The following CSMD1 variants were observed in gnomAD, a reference collection of about 807,000 sequenced individuals.
CSMD1 encodes the protein CUB and Sushi multiple domains 1.
CSMD1 carries 213 observed loss-of-function variants against 417.5 expected under a neutral mutation model. That is an observed-to-expected ratio of 0.51 (90% CI 0.46 to 0.57). The LOEUF (loss-of-function observed/expected upper bound fraction) is 0.57. Among genes scored for constraint, CSMD1 ranks in the 20% least tolerant of loss-of-function variants. The pLI, the probability that CSMD1 is intolerant of heterozygous loss-of-function variation, is 0.00. For synonymous variants in CSMD1, 2,862 were observed against 1,736.8 expected, an observed-to-expected ratio of 1.65 and a Z score of -16.11; for missense variants, 6,923 against 4,529.7, an observed-to-expected ratio of 1.53 and a Z score of -15.17.
chr8:3,121,846 T>C (rs1229585796), intron 41 of CSMD1, among the ~76,000 whole-genome samples: 2 of 152,030 alleles, frequency 1.3e-5, no homozygotes, highest in Admixed American at 6.6e-5. Context: ...CAAAGGAGTA[T>C]TGCCTAATTA....
intron 8 of CSMD1, among the ~76,000 whole-genome samples, chr8:3,611,851 C>G (rs530458054): frequency 3.3e-5 from 5 of 151,936 alleles, no homozygotes; most frequent in Non-Finnish European, 7.4e-5. Flanking sequence ...TAATTTAGGA[C>G]AGAAGTTCAG....
intron 7 of CSMD1, among the ~76,000 whole-genome samples, chr8:3,698,609 C>G (rs185002993): frequency 6.6e-6 from 1 of 152,190 alleles, no homozygotes; most frequent in Non-Finnish European, 1.5e-5. Flanking sequence ...GTTCCTAATA[C>G]AGCACTCGCG....
chr8:3,320,780 T>C (rs1020630790), intron 23 of CSMD1, among the ~76,000 whole-genome samples: 6 of 152,184 alleles, frequency 3.9e-5, no homozygotes, highest in Admixed American at 1.3e-4. Context: ...TCTGGGCTTA[T>C]TCCTGAGGCA....
chr8:3,505,500 T>C (rs1382137384), intron 10 of CSMD1, among the ~76,000 whole-genome samples: 1 of 152,184 alleles, frequency 6.6e-6, no homozygotes, highest in East Asian at 1.9e-4. Flanking sequence ...AAGTGCTTCA[T>C]TATGGCCCCT....
rs79384247 is a variant in CSMD1, at chr8:3,574,930, G to C, written c.1344+15C>G. ...CTGTGTGCATTAACCACAGGGGTTG[G>C]AGGCGGAGCCTTACCTTGTCCGGGT... On this transcript the variant is annotated intron_variant, in intron 10 of 69. Coordinates refer to ENST00000635120, the MANE Select transcript of CSMD1 (RefSeq NM_033225.6). 2.6e-3 allele frequency: 4,164 copies of C among 1,611,210 alleles called. 92 individuals carry two copies. In the African/African-American group the frequency reaches 0.047, roughly 18 times the overall value.
chr8:3,008,294 G>A (rs373948589), intron 52 of CSMD1, among the ~76,000 whole-genome samples: 41 of 152,302 alleles, frequency 2.7e-4, no homozygotes, highest in African/African-American at 9.6e-4. Context: ...CCTTTGTGAG[G>A]TCAGTTGAGT....
At chr8:3,421,012 G>A (rs1465282744) in intron 12 of CSMD1, among the ~76,000 whole-genome samples, 2 of 152,164 alleles carry the variant, frequency 1.3e-5, no homozygotes, top group East Asian at 3.9e-4. Context: ...TTAAAAAAAA[G>A]ACACTAAAAG....
intron 3 of CSMD1, among the ~76,000 whole-genome samples, chr8:4,159,259 TG>T (rs1797010776): frequency 6.6e-6 from 1 of 152,180 alleles, no homozygotes; most frequent in African/African-American, 2.4e-5. Context: ...TTTTACTCAT[TG>T]GGGTAGCATT....
At chr8:4,156,914 GA>G (rs1168433716) in intron 3 of CSMD1, among the ~76,000 whole-genome samples, 3 of 152,082 alleles carry the variant, frequency 2.0e-5, no homozygotes, top group African/African-American at 7.2e-5. Context: ...TACCTCTCCG[GA>G]CATTTGTGAG....
rs185102543 is a variant in CSMD1 at position 4,658,812 on chromosome 8, A to T, written c.86-21254T>A. On this transcript the variant is annotated intron_variant, in intron 1 of 69. Transcript: ENST00000635120. ...TCACCACACATCTGGGTTAATGGTA[A>T]CACAATTTATGAGGATATAATATGT... Among the ~76,000 whole-genome samples the T allele has an allele frequency of 3.9e-5, 6 of 152,304 alleles. No individual in the cohort carries two copies. The East Asian group carries it at 9.6e-4, about 24-fold the overall frequency.
intron 10 of CSMD1, among the ~76,000 whole-genome samples, chr8:3,551,140 T>A (rs544031350): frequency 1.3e-5 from 2 of 152,270 alleles, no homozygotes; most frequent in Non-Finnish European, 2.9e-5. Flanking sequence ...TTTCTTATCT[T>A]TAAAAAGGAA....
chr8:3,878,446 T>C lies in CSMD1; in HGVS notation c.818+119457A>G, dbSNP rs1033584179. On this transcript the variant is annotated intron_variant, in intron 5 of 69. Transcript: ENST00000635120. ...TCAACAATGATACCAGTCTTGCCTT[T>C]CCAGTGTAAACATGAACAGACTCTT... 2.0e-5 allele frequency among the ~76,000 whole-genome samples: 3 copies of C among 152,156 alleles called. No homozygotes were observed. In the South Asian group the frequency reaches 6.2e-4, roughly 32 times the overall value.
At chr8:4,467,217 C>G (rs948945170) in intron 2 of CSMD1, among the ~76,000 whole-genome samples, 1 of 151,790 alleles carries the variant, frequency 6.6e-6, no homozygotes, top group Non-Finnish European at 1.5e-5. Flanking sequence ...TTCCTTGTGT[C>G]TGCACAAAGC....
intron 3 of CSMD1, among the ~76,000 whole-genome samples, chr8:4,039,333 G>A (rs1452615729): frequency 9.2e-5 from 14 of 152,072 alleles, no homozygotes; most frequent in Non-Finnish European, 2.9e-5. Flanking sequence ...TGTTTGTTTT[G>A]GACTATTTGC....
chr8:3,793,600 C>T (rs964787302), intron 5 of CSMD1, among the ~76,000 whole-genome samples: 3 of 152,062 alleles, frequency 2.0e-5, no homozygotes, highest in African/African-American at 7.2e-5. Flanking sequence ...GCCTCTCTTG[C>T]AGTAAACCTT....
intron 54 of CSMD1, among the ~76,000 whole-genome samples, chr8:2,983,435 C>T (rs1049515706): frequency 1.3e-5 from 2 of 152,194 alleles, no homozygotes; most frequent in African/African-American, 4.8e-5. Context: ...ATCCGCCTGC[C>T]TCAGCCTCCC....
chr8:3,371,651 C>G (rs145404343), intron 18 of CSMD1, among the ~76,000 whole-genome samples: 496 of 152,232 alleles, frequency 3.3e-3, no homozygotes, highest in Middle Eastern at 6.8e-3. Context: ...ATAATATTCA[C>G]AAAAGAATTA....
chr8:3,911,739 AG>A (rs1459232674), intron 5 of CSMD1, among the ~76,000 whole-genome samples: 1 of 152,102 alleles, frequency 6.6e-6, no homozygotes. Context: ...CTTTATTCTA[AG>A]ACTTTTCCAT....
intron 2 of CSMD1, among the ~76,000 whole-genome samples, chr8:4,445,865 C>A (rs1343501807): frequency 6.6e-6 from 1 of 152,182 alleles, no homozygotes; most frequent in African/African-American, 2.4e-5. Flanking sequence ...AAGTGTTCTC[C>A]CGCTGGAGAA....
Sources: allele counts gnomAD v4.1 joint callset (sites outside exome capture counted in the v4.1 genomes callset), GRCh38; gene constraint gnomAD v4.1.1; transcripts MANE v1.5; gene names NCBI Gene and HGNC (gene_info 2026-07-23, HGNC 2026-07-21).